Variants in CREB3L2 observed in about 807,000 individuals in gnomAD.
The protein encoded by CREB3L2 is cyclic AMP-responsive element-binding protein 3-like protein 2.
In CREB3L2, 23 loss-of-function variants were observed where a neutral mutation model predicts 57.2. The ratio of observed to expected loss-of-function variants is 0.40; its 90% CI spans 0.29 to 0.57. The LOEUF (loss-of-function observed/expected upper bound fraction) is 0.57, where lower values mean the gene tolerates loss of function less well. CREB3L2 is among the 20% of genes least tolerant of loss of function. The probability of loss-of-function intolerance (pLI) is 0.42; values close to 1 mark genes in which losing one functional copy is unlikely to be tolerated. For missense variants in CREB3L2, 628 were observed against 634.7 expected (o/e 0.99, Z 0.11); for synonymous variants, 268 against 265.1 (o/e 1.01, Z -0.11).
chr7:137,969,647 G>A (rs1295855708), intron 1 of CREB3L2, among the ~76,000 whole-genome samples: 4 of 151,552 alleles, frequency 2.6e-5, no homozygotes, highest in East Asian at 1.9e-4. Flanking sequence ...CACCGCGTCC[G>A]GCCTATGATT....
chr7:137,890,743 G>A (rs182996330), intron 8 of CREB3L2, among the ~76,000 whole-genome samples: 111 of 152,348 alleles, frequency 7.3e-4, no homozygotes, highest in African/African-American at 2.6e-3. Flanking sequence ...TTGAGATGAT[G>A]TGGCACTTTC....
intron 3 of CREB3L2, 94 bp from the exon 4 acceptor site, chr7:137,913,172 G>A (rs1376907436): frequency 2.8e-5 from 35 of 1,270,526 alleles, no homozygotes; most frequent in Non-Finnish European, 3.3e-5. Flanking sequence ...TCTTCCTCTC[G>A]GGACAGCCCT....
At chr7:137,894,379 G>A (rs1237658994) in intron 8 of CREB3L2, among the ~76,000 whole-genome samples, 1 of 152,128 alleles carries the variant, frequency 6.6e-6, no homozygotes, top group Non-Finnish European at 1.5e-5. Flanking sequence ...CTTTGACCCA[G>A]GAATCTCATA....
intron 1 of CREB3L2, among the ~76,000 whole-genome samples, chr7:137,985,464 C>T (rs1225834021): frequency 6.6e-6 from 1 of 152,176 alleles, no homozygotes; most frequent in Non-Finnish European, 1.5e-5. Context: ...ATGGAGAGCG[C>T]TTCAGCTTGT....
chr7:137,913,138 C>T, intron 3 of CREB3L2, 60 bp from the exon 4 acceptor site: 1 of 1,532,402 alleles, frequency 6.5e-7, no homozygotes, highest in Non-Finnish European at 8.9e-7. Context: ...AAGACACATG[C>T]AGGAGAGCTA....
At chr7:138,000,000 T>C (rs1176472371) in intron 1 of CREB3L2, among the ~76,000 whole-genome samples, 1 of 152,210 alleles carries the variant, frequency 6.6e-6, no homozygotes, top group Non-Finnish European at 1.5e-5. Context: ...CCAGAGTGAA[T>C]GCCACAGTCA....
chr7:137,908,508 A>C, intron 4 of CREB3L2, 72 bp from the exon 5 acceptor site: 2 of 1,155,636 alleles, frequency 1.7e-6, no homozygotes, highest in East Asian at 6.4e-5. Context: ...GTGGCATAGC[A>C]AACTAAAGTG....
At chr7:137,889,239 C>T (rs764951455) in intron 8 of CREB3L2, among the ~76,000 whole-genome samples, 1 of 152,170 alleles carries the variant, frequency 6.6e-6, no homozygotes, top group Non-Finnish European at 1.5e-5. Context: ...AGGCCAGCTA[C>T]ACCTGAAGCC....
At chr7:137,969,274 T>C (rs1487040378) in intron 1 of CREB3L2, among the ~76,000 whole-genome samples, 1 of 152,042 alleles carries the variant, frequency 6.6e-6, no homozygotes, top group East Asian at 1.9e-4. Flanking sequence ...CTAGGGCAAT[T>C]TGAACATGAA....
chr7:137,950,154 C>T (rs1801068601), intron 1 of CREB3L2, among the ~76,000 whole-genome samples: 4 of 152,114 alleles, frequency 2.6e-5, no homozygotes, highest in Non-Finnish European at 5.9e-5. Context: ...GCAAAAGCCA[C>T]ACTCTTTCCA....
rs1247536933 is a variant in CREB3L2, at chr7:137,875,390, A to C, written c.*5086T>G. 4.5e-6 allele frequency: 1 copy of C among 220,378 alleles called. No homozygotes were observed. The highest frequency in any genetic ancestry group is 9.1e-6 in the Non-Finnish European group (1 of 110,072). The allele number at this position is 220,378 out of a possible 1,614,324, so 13.7% of individuals were successfully genotyped here. A position where few individuals can be genotyped will look rare whatever the true frequency, so the allele number is the denominator to read the frequency against. ...AAAAGGTGATTTTCTAAGTAGTGTA[A>C]GCCATGGGTACATGGTGCAAAAAGT... is the stretch of plus-strand genomic sequence containing the variant. On this transcript the variant is annotated 3_prime_UTR_variant, in exon 12 of 12. Transcript: ENST00000330387.
intron 1 of CREB3L2, among the ~76,000 whole-genome samples, chr7:137,986,964 T>C (rs747984344): frequency 6.6e-6 from 1 of 152,324 alleles, no homozygotes; most frequent in East Asian, 1.9e-4. Context: ...ACCATGCAGG[T>C]AACATCACAG....
At chr7:137,905,989 G>T (rs1407874463) in intron 5 of CREB3L2, 141 bp from the exon 6 acceptor site, 87 of 737,984 alleles carry the variant, frequency 1.2e-4, no homozygotes, top group Non-Finnish European at 1.5e-4. Flanking sequence ...TGCTTTGGGT[G>T]ACAGATGGGT....
Position 137,875,989 on chromosome 7 carries a change from A to G in CREB3L2, c.*4487T>C, listed in dbSNP as rs2117162715. 1 of 228,420 alleles carries G rather than the reference A, an allele frequency of 4.4e-6. No homozygotes were observed. The allele number at this position is 228,420 out of a possible 1,614,324, so 14.1% of individuals were successfully genotyped here. A position where few individuals can be genotyped will look rare whatever the true frequency, so the allele number is the denominator to read the frequency against. On this transcript the variant is annotated 3_prime_UTR_variant, in exon 12 of 12. Coordinates refer to ENST00000330387, the MANE Select transcript of CREB3L2 (RefSeq NM_194071.4). ...GGCATGGAACATTAATCTTCAAATGAGCCAGGTTCCTTTGCCCTGAGAAAT... is the reference window on the plus strand; with the variant it reads ...GGCATGGAACATTAATCTTCAAATGGGCCAGGTTCCTTTGCCCTGAGAAAT...
rs147232864 is a variant in CREB3L2, at chr7:137,900,447, A to G, written c.1043+907T>C. 5.0e-3 allele frequency among the ~76,000 whole-genome samples: 758 copies of G among 152,324 alleles called. 1 individual carries two copies. The highest frequency in any genetic ancestry group is 7.9e-3 in the Non-Finnish European group (535 of 68,028). The stretch of plus-strand genomic sequence containing the variant: ...TTGGTACCGTTACAATTTTTGTAAA[A>G]TGGGTTTGAAATGCAATTAATAAAC... On this transcript the variant is annotated intron_variant, in intron 8 of 11. Transcript: ENST00000330387.
In CREB3L2 at chr7:137,901,469, A is replaced by C. The variant is rs781316990; in HGVS notation, c.975-47T>G. Reference sequence around the variant, plus strand: ...GAAAATTATTATCCATAGAGCAAACACTAAGCTAGGAGCTAGGGTGGAGGT... The same window carrying C: ...GAAAATTATTATCCATAGAGCAAACCCTAAGCTAGGAGCTAGGGTGGAGGT... On this transcript the variant is annotated intron_variant, in intron 7 of 11. Transcript: ENST00000330387. 24 of 1,274,790 alleles carry C rather than the reference A, an allele frequency of 1.9e-5. No individual in the cohort carries two copies. The Middle Eastern group carries it at 7.3e-4, about 39-fold the overall frequency. 79.0% of individuals were successfully genotyped at this position (1,274,790 alleles called of 1,614,324 possible). A position where few individuals can be genotyped will look rare whatever the true frequency, so the allele number is the denominator to read the frequency against.
intron 8 of CREB3L2, among the ~76,000 whole-genome samples, chr7:137,898,969 AAGGAAG>A (rs1563243801): frequency 8.0e-6 from 1 of 124,380 alleles, no homozygotes; most frequent in African/African-American, 5.9e-5. Context: ...GAAAGGAAGG[AAGGAAG>A]GAAGGAAGGA....
chr7:137,946,832 A>ATATATAGTTATC (rs1368316429), intron 1 of CREB3L2, among the ~76,000 whole-genome samples: 2 of 52,780 alleles, frequency 3.8e-5, no homozygotes, highest in Admixed American at 2.1e-4. Context: ...ATAGTTATCT[A>ATATATAGTTATC]TATATAGTTA....
intron 1 of CREB3L2, chr7:137,933,775 C>G (rs1345713672): frequency 6.6e-6 from 1 of 152,302 alleles, no homozygotes; most frequent in Admixed American, 6.5e-5. Context: ...GATGCTATGA[C>G]TCAGCCCAGC....
Sources: gnomAD v4.1 joint callset for allele counts (sites outside exome capture counted in the v4.1 genomes callset) on GRCh38, gnomAD v4.1.1 for gene constraint, MANE v1.5 for transcripts, NCBI Gene and HGNC (gene_info 2026-07-23, HGNC 2026-07-21) for gene names.